The following WDFY4 variants were observed in gnomAD, a reference collection of about 807,000 sequenced individuals.
WDFY4 encodes the protein WD repeat- and FYVE domain-containing protein 4.
WDFY4 carries 169 observed loss-of-function variants against 351.9 expected under a neutral mutation model. The ratio of observed to expected loss-of-function variants is 0.48; its 90% confidence interval spans 0.42 to 0.55. The LOEUF (loss-of-function observed/expected upper bound fraction) is 0.55, where lower values mean the gene tolerates loss of function less well. Among genes scored for constraint, WDFY4 ranks in the 20% least tolerant of loss-of-function variants. The pLI is 0.00. For synonymous variants in WDFY4, 1,622 were observed against 1,574.6 expected (o/e 1.03, Z -0.71); for missense variants, 3,803 against 3,935.6 (o/e 0.97, Z 0.90).
At chr10:48,910,937 T>C (rs192159213) in intron 47 of WDFY4, 2 of 983,756 alleles carry the variant, frequency 2.0e-6, no homozygotes, top group East Asian at 1.1e-4. Context: ...CTGAACCTTT[T>C]GAATACCTAA....
chr10:48,733,797 T>C (rs2064551374), intron 9 of WDFY4, 134 bp from the exon 10 acceptor site: 18 of 742,232 alleles, frequency 2.4e-5, no homozygotes, highest in Non-Finnish European at 4.0e-5. Flanking sequence ...ATCTTACTAA[T>C]TGGGATACAC....
chr10:48,857,733 A>G (rs1049627561), intron 39 of WDFY4, among the ~76,000 whole-genome samples: 1 of 152,198 alleles, frequency 6.6e-6, no homozygotes, highest in Non-Finnish European at 1.5e-5. Context: ...CTTCTTTAGT[A>G]AAATGTTTAT....
chr10:48,821,344 G>A (rs2132994308), intron 34 of WDFY4, among the ~76,000 whole-genome samples, 168 bp downstream of exon 34: 1 of 152,310 alleles, frequency 6.6e-6, no homozygotes, highest in Non-Finnish European at 1.5e-5. Flanking sequence ...CTGCCTTGGG[G>A]CCCAGTGGAG....
intron 44 of WDFY4, among the ~76,000 whole-genome samples, chr10:48,897,097 C>T (rs1225825041): frequency 6.6e-6 from 1 of 152,186 alleles, no homozygotes; most frequent in African/African-American, 2.4e-5. Context: ...GGCCCCCACT[C>T]TCACCCAGGG....
At position 48,918,528 on chromosome 10, in the gene WDFY4, A is replaced by G. The variant is rs541483401; in HGVS notation, c.7586+16665A>G. On this transcript the variant is annotated intron_variant, in intron 47 of 61. Transcript: ENST00000325239. ...ATCATTTAACCAATAGGACAAAAAA[A>G]TCCTAAATGTGTATGTACCTAACAG... Among the ~76,000 whole-genome samples the G allele has an allele frequency of 9.3e-4, 141 of 152,374 alleles. 2 individuals carry two copies. Among genetic ancestry groups the G allele is most frequent in the African/African-American group, 3.3e-3 (136 of 41,586 alleles).
chr10:48,774,545 G>A lies in WDFY4; in HGVS notation c.2641G>A (p.Gly881Ser), dbSNP rs1207411791. ...GAACCGCCAGGTCATGTGCGAAGCA[G>A]GCTTGCTTGGGACCCTCATGGCCTC... ...EKNRQVMCEA[G>S]LLGTLMASCH... is the part of the protein sequence containing the mutation. The change falls in exon 14 of 62, where the codon GGC (glycine) becomes AGC (serine). Residue 881 changes from glycine to serine, a missense_variant. Physicochemically the swap from Gly to Ser is moderately conservative, Grantham distance 56. This residue lies in a region of WDFY4 where 3,054 missense variants were observed against 3,148.6 expected (regional missense o/e 0.97). Coordinates refer to ENST00000325239, the MANE Select transcript of WDFY4 (RefSeq NM_001394531.1). 2 of 1,551,690 alleles carry A rather than the reference G, an allele frequency of 1.3e-6. No homozygotes were observed. Among genetic ancestry groups the A allele is most frequent in the Non-Finnish European group, 1.7e-6 (2 of 1,146,952 alleles).
chr10:48,902,270 T>C (rs1471968122), intron 47 of WDFY4, among the ~76,000 whole-genome samples: 1 of 152,220 alleles, frequency 6.6e-6, no homozygotes, highest in African/African-American at 2.4e-5. Context: ...TACAAGTTGG[T>C]GTGCGAATCA....
At chr10:48,748,302 C>T (rs116331731) in intron 12 of WDFY4, among the ~76,000 whole-genome samples, 1,550 of 152,252 alleles carry the variant, frequency 0.01, 25 homozygotes, top group African/African-American at 0.034. Flanking sequence ...TTTTATTTCC[C>T]TCCAAAATTT....
At chr10:48,779,853 G>T in intron 18 of WDFY4, 88 bp from the exon 19 acceptor site, 2 of 1,457,116 alleles carry the variant, frequency 1.4e-6, no homozygotes, top group Non-Finnish European at 1.9e-6. Context: ...AGGCCCAGTG[G>T]TTGACGTCCG....
intron 57 of WDFY4, among the ~76,000 whole-genome samples, chr10:48,973,164 T>C (rs912852123): frequency 3.9e-5 from 6 of 152,190 alleles, no homozygotes; most frequent in Non-Finnish European, 7.3e-5. Context: ...AGCTCCTCTC[T>C]ACATCCTGAG....
chr10:48,854,062 T>C (rs2069049325), intron 39 of WDFY4, among the ~76,000 whole-genome samples: 1 of 152,132 alleles, frequency 6.6e-6, no homozygotes, highest in Non-Finnish European at 1.5e-5. Flanking sequence ...ACCAAACTCA[T>C]AGAGCATTTT....
chr10:48,777,516 G>GTT, intron 17 of WDFY4, 21 bp downstream of exon 17: 1 of 1,548,172 alleles, frequency 6.5e-7, no homozygotes. Context: ...TTCCCAGATG[G>GTT]TTTAGCTCTC....
intron 32 of WDFY4, 133 bp downstream of exon 32, chr10:48,817,542 A>G (rs780486291): frequency 2.1e-4 from 239 of 1,164,204 alleles, no homozygotes; most frequent in Non-Finnish European, 2.6e-4. Flanking sequence ...GGAACATTGA[A>G]TAAGCAGCTT....
chr10:48,806,101 A>G lies in WDFY4; in HGVS notation c.4738+6A>G. 6.4e-7 allele frequency: 1 copy of G among 1,551,600 alleles called. No homozygotes were observed. The highest frequency in any genetic ancestry group is 8.7e-7 in the Non-Finnish European group (1 of 1,146,938). The stretch of plus-strand genomic sequence containing the variant: ...CCTGGACCCTTCCCTGCCTGGTGAG[A>G]AGACCTTTGCCAGTTCGAAGGCAGT... On this transcript the variant is annotated splice_donor_region_variant and intron_variant, in intron 27 of 61. Coordinates refer to ENST00000325239, the MANE Select transcript of WDFY4 (RefSeq NM_001394531.1).
intron 25 of WDFY4, 144 bp from the exon 26 acceptor site, chr10:48,805,116 C>T (rs542301083): frequency 5.8e-4 from 573 of 986,112 alleles, no homozygotes; most frequent in African/African-American, 3.4e-3. Flanking sequence ...GGGTGTCTGA[C>T]GGCATCTTGA....
chr10:48,828,578 C>G (rs1219009718), intron 36 of WDFY4, among the ~76,000 whole-genome samples, 200 bp from the exon 37 acceptor site: 2 of 152,156 alleles, frequency 1.3e-5, no homozygotes, highest in Non-Finnish European at 2.9e-5. Flanking sequence ...AAGTGTTTCT[C>G]CTACTATTCA....
chr10:48,945,746 C>T (rs930818890), intron 49 of WDFY4, among the ~76,000 whole-genome samples: 1 of 152,300 alleles, frequency 6.6e-6, no homozygotes, highest in Admixed American at 6.5e-5. Flanking sequence ...AACACGAGTT[C>T]TTTTAAAAGT....
At chr10:48,909,860 T>A (rs1217382650) in intron 47 of WDFY4, 1 of 199,038 alleles carries the variant, frequency 5.0e-6, no homozygotes, top group Non-Finnish European at 1.0e-5. Flanking sequence ...TATACCTACA[T>A]AAATTTATCA....
At position 48,897,437 on chromosome 10, in the gene WDFY4, G is replaced by A; in HGVS notation, c.7317-17G>A. Reference sequence around the variant, plus strand: ...TGATGTCTGAACATGTGCCCTGCATGCCTGTTTCCTTTTCAGCATCAGCGA... The same window carrying A: ...TGATGTCTGAACATGTGCCCTGCATACCTGTTTCCTTTTCAGCATCAGCGA... On this transcript the variant is annotated splice_polypyrimidine_tract_variant and intron_variant, in intron 44 of 61. Transcript: ENST00000325239. 6.5e-7 allele frequency: 1 copy of A among 1,549,884 alleles called. No individual in the cohort carries two copies. The highest frequency in any genetic ancestry group is 1.2e-5 in the South Asian group (1 of 84,048).
Sources: allele counts gnomAD v4.1 joint callset (sites outside exome capture counted in the v4.1 genomes callset), GRCh38; gene constraint gnomAD v4.1.1; regional missense constraint gnomAD v4.1.1; transcripts MANE v1.5; gene names NCBI Gene and HGNC (gene_info 2026-07-23, HGNC 2026-07-21).